FARS2: variants seen among roughly 807,000 people sequenced by gnomAD.
FARS2 encodes phenylalanine--tRNA ligase, mitochondrial.
Under a neutral mutation model 46.4 loss-of-function variants are expected in FARS2, and 40 were observed. That is an observed-to-expected ratio of 0.86 (90% CI 0.67 to 1.12). FARS2 has a LOEUF of 1.12. FARS2 is among the 50% of genes most tolerant of loss of function. The pLI is 0.00. For missense variants in FARS2, 513 were observed against 567.9 expected, an observed-to-expected ratio of 0.90 and a Z score of 0.98; for synonymous variants, 234 against 214.9, an observed-to-expected ratio of 1.09 and a Z score of -0.78.
intron 6 of FARS2, among the ~76,000 whole-genome samples, chr6:5,768,010 G>A (rs907015858): frequency 5.3e-5 from 8 of 152,086 alleles, no homozygotes; most frequent in Non-Finnish European, 5.9e-5. Flanking sequence ...GGCTTTCCTC[G>A]GGAGACCACT....
intron 6 of FARS2, among the ~76,000 whole-genome samples, chr6:5,641,912 T>C (rs1776839962): frequency 6.6e-6 from 1 of 152,206 alleles, no homozygotes; most frequent in Non-Finnish European, 1.5e-5. Context: ...TACCTACATG[T>C]AGGTCCATCG....
intron 2 of FARS2, among the ~76,000 whole-genome samples, chr6:5,391,019 A>G (rs1472334577): frequency 2.0e-5 from 3 of 152,236 alleles, no homozygotes; most frequent in Non-Finnish European, 4.4e-5. Context: ...TAGGAATGAT[A>G]TAACTAGGGT....
intron 1 of FARS2, among the ~76,000 whole-genome samples, chr6:5,355,036 T>A (rs1402051205): frequency 6.6e-6 from 1 of 152,214 alleles, no homozygotes; most frequent in Non-Finnish European, 1.5e-5. Context: ...TAAAATAAGT[T>A]TAAATTTCCT....
chr6:5,538,735 G>T (rs1770378318), intron 4 of FARS2, among the ~76,000 whole-genome samples: 1 of 152,050 alleles, frequency 6.6e-6, no homozygotes, highest in African/African-American at 2.4e-5. Context: ...ACAATGCAGG[G>T]GTGCGATTCA....
chr6:5,539,384 G>GTGTGTATATATATATATATATATA lies in FARS2; in HGVS notation c.905-5795_905-5794insGTGTATATATATATATATATATAT. On this transcript the variant is annotated intron_variant, in intron 4 of 6. Coordinates refer to ENST00000274680, the MANE Select transcript of FARS2 (RefSeq NM_006567.5). ...ACCATGCCCACCTAATTTTTTTTGT[G>GTGTGTATATATATATATATATATA]TATATATATATATATGTATATATTT... Among the ~76,000 whole-genome samples, 60 of 79,570 alleles carry GTGTGTATATATATATATATATATA rather than the reference G, an allele frequency of 7.5e-4. 3 individuals are homozygous for GTGTGTATATATATATATATATATA. The highest frequency in any genetic ancestry group is 3.9e-3 in the East Asian group (13 of 3,296). The allele number at this position is 79,570 out of a possible 152,430, so 52.2% of individuals were successfully genotyped here.
At chr6:5,352,491 C>G (rs909290856) in intron 1 of FARS2, among the ~76,000 whole-genome samples, 1 of 151,850 alleles carries the variant, frequency 6.6e-6, no homozygotes, top group Non-Finnish European at 1.5e-5. Context: ...GTGGGTGGGT[C>G]AGTAGAGAGC....
chr6:5,399,975 A>G (rs1021810106), intron 2 of FARS2, among the ~76,000 whole-genome samples: 1 of 152,192 alleles, frequency 6.6e-6, no homozygotes. Flanking sequence ...TTTCAGGGTA[A>G]GTAGTTAGAA....
chr6:5,756,133 A>G (rs1422700242), intron 6 of FARS2, among the ~76,000 whole-genome samples: 2 of 152,222 alleles, frequency 1.3e-5, no homozygotes, highest in Non-Finnish European at 2.9e-5. Context: ...TTCTCAGGTG[A>G]AGGTTAAAAT....
chr6:5,512,433 C>G (rs116690658), intron 4 of FARS2, among the ~76,000 whole-genome samples: 1,967 of 152,132 alleles, frequency 0.013, 46 homozygotes, highest in African/African-American at 0.045. Flanking sequence ...CTGATTTTAC[C>G]TCTCAAGACT....
chr6:5,557,759 T>C (rs1771749839), intron 5 of FARS2, among the ~76,000 whole-genome samples: 1 of 152,168 alleles, frequency 6.6e-6, no homozygotes, highest in East Asian at 1.9e-4. Context: ...AGAGCTCGCC[T>C]CCTTTAGTTT....
chr6:5,407,806 T>G (rs1761700931), intron 3 of FARS2, among the ~76,000 whole-genome samples: 2 of 152,188 alleles, frequency 1.3e-5, no homozygotes, highest in African/African-American at 4.8e-5. Context: ...TCTCTTTGCT[T>G]TCATGATAAA....
intron 1 of FARS2, among the ~76,000 whole-genome samples, chr6:5,330,242 A>G (rs1770704411): frequency 1.3e-5 from 2 of 152,176 alleles, no homozygotes; most frequent in Non-Finnish European, 2.9e-5. Flanking sequence ...AAATATATAT[A>G]TATAGATATT....
intron 4 of FARS2, among the ~76,000 whole-genome samples, chr6:5,520,595 C>T (rs182259453): frequency 4.6e-5 from 7 of 152,220 alleles, no homozygotes. Flanking sequence ...TGTTGTCTAC[C>T]CTCCTTCCTC....
chr6:5,257,920 T>C (rs1341419663), upstream of FARS2, among the ~76,000 whole-genome samples: 1 of 152,166 alleles, frequency 6.6e-6, no homozygotes, highest in East Asian at 1.9e-4. Flanking sequence ...CACACAGCAA[T>C]GAGACCTGTT....
At position 5,625,354 on chromosome 6, in the gene FARS2, C is replaced by T. The variant is rs114183163; in HGVS notation, c.1217+12034C>T. Among the ~76,000 whole-genome samples the T allele has an allele frequency of 6.2e-3, 951 of 152,270 alleles. 14 individuals carry two copies. The highest frequency in any genetic ancestry group is 0.022 in the African/African-American group (895 of 41,550). ...CTCCAGGATCACACAAGCAGGGCCG[C>T]GACTGACACAGGGGTGCAGGCTGAG... On this transcript the variant is annotated intron_variant, in intron 6 of 6. Coordinates refer to ENST00000274680, the MANE Select transcript of FARS2 (RefSeq NM_006567.5).
chr6:5,427,153 A>G (rs1183341928), intron 3 of FARS2, among the ~76,000 whole-genome samples: 1 of 152,180 alleles, frequency 6.6e-6, no homozygotes, highest in East Asian at 1.9e-4. Context: ...ACATGTATAC[A>G]ATGTGTGATG....
At chr6:5,558,104 G>A (rs896082792) in intron 5 of FARS2, among the ~76,000 whole-genome samples, 3 of 152,062 alleles carry the variant, frequency 2.0e-5, no homozygotes, top group African/African-American at 7.2e-5. Context: ...TGAAGTCAAA[G>A]TAATTTACTG....
chr6:5,422,636 A>C (rs1311121476), intron 3 of FARS2, among the ~76,000 whole-genome samples: 1 of 152,180 alleles, frequency 6.6e-6, no homozygotes, highest in Non-Finnish European at 1.5e-5. Flanking sequence ...GCAAAGTGGG[A>C]ATGAGAGTAA....
At chr6:5,597,318 G>A (rs1311708890) in intron 5 of FARS2, among the ~76,000 whole-genome samples, 1 of 152,156 alleles carries the variant, frequency 6.6e-6, no homozygotes, top group Non-Finnish European at 1.5e-5. Flanking sequence ...TGAGGACTTT[G>A]GGCCATGTTT....
Sources: allele counts gnomAD v4.1 joint callset (sites outside exome capture counted in the v4.1 genomes callset), GRCh38; gene constraint gnomAD v4.1.1; transcripts MANE v1.5; gene names NCBI Gene and HGNC (gene_info 2026-07-23, HGNC 2026-07-21).